ZNF45: variants seen among roughly 807,000 people sequenced by gnomAD.
ZNF45 encodes BRC1744.
In ZNF45, 4 loss-of-function variants were observed where a neutral mutation model predicts 12.0. The observed-to-expected ratio is 0.33, with a 90% CI of 0.16 to 0.76. ZNF45 has a LOEUF of 0.76. Among genes scored for constraint, ZNF45 ranks in the 30% least tolerant of loss-of-function variants. The probability of loss-of-function intolerance (pLI) is 0.60; values close to 1 mark genes in which losing one functional copy is unlikely to be tolerated. For missense variants in ZNF45, 700 were observed against 813.0 expected (o/e 0.86, Z 1.69); for synonymous variants, 272 against 279.6 (o/e 0.97, Z 0.27).
chr19:43,933,597 G>A (rs1215743547), intron 2 of ZNF45, among the ~76,000 whole-genome samples: 1 of 152,212 alleles, frequency 6.6e-6, no homozygotes, highest in Non-Finnish European at 1.5e-5. Context: ...AATGGAAGCA[G>A]GGTGACTGTA....
chr19:43,913,284 A>G lies in ZNF45; in HGVS notation c.*103T>C. On this transcript the variant is annotated 3_prime_UTR_variant, in exon 10 of 10. Transcript: ENST00000269973. ...AGGCTTCTCTGCTGTGTGGTCTCCC[A>G]ATCACTTGGCTGAACTACTGACTCT... 1.4e-6 allele frequency: 2 copies of G among 1,383,024 alleles called. No homozygotes were observed. Among genetic ancestry groups the G allele is most frequent in the Admixed American group, 2.3e-5 (1 of 43,150 alleles). The allele number at this position is 1,383,024 out of a possible 1,614,324, so 85.7% of individuals were successfully genotyped here.
At chr19:43,932,260 C>G (rs1974194159) in intron 3 of ZNF45, 1 of 152,226 alleles carries the variant, frequency 6.6e-6, no homozygotes, top group African/African-American at 2.4e-5. Context: ...TGCTGAAACC[C>G]AGGAGGCGGA....
rs530430173 is a variant in ZNF45 at position 43,915,311 on chromosome 19, AG to A, written c.236-112del. 3.2e-4 allele frequency: 367 copies of A among 1,136,454 alleles called. 1 individual carries two copies. The African/African-American group carries it at 5.0e-3, about 15-fold the overall frequency. 70.4% of individuals were successfully genotyped at this position (1,136,454 alleles called of 1,614,324 possible). ...CCTAAGGCTTCATTGAACCAGGAGA[AG>A]GTTCCATTGCCTACTGCATAGACAT... On this transcript the variant is annotated intron_variant, in intron 9 of 9. Transcript: ENST00000269973.
At chr19:43,920,424 G>A (rs1973035577) in intron 7 of ZNF45, among the ~76,000 whole-genome samples, 1 of 150,182 alleles carries the variant, frequency 6.7e-6, no homozygotes, top group Non-Finnish European at 1.5e-5. Context: ...CTGCTGTGTG[G>A]GGGTGTCTAG....
At chr19:43,922,296 T>TTTTTG (rs1973254196) in intron 6 of ZNF45, 79 bp from the exon 7 acceptor site, 1 of 1,025,634 alleles carries the variant, frequency 9.8e-7, no homozygotes, top group Non-Finnish European at 1.4e-6. Context: ...CATAGCTGTT[T>TTTTTG]TTTTGTTTTG....
chr19:43,918,254 G>A (rs1193032555), intron 9 of ZNF45, among the ~76,000 whole-genome samples: 1 of 152,212 alleles, frequency 6.6e-6, no homozygotes, highest in Non-Finnish European at 1.5e-5. Context: ...CACCAAGTGA[G>A]CAAGATTCAC....
Position 43,915,080 on chromosome 19 carries a change from T to A in ZNF45, c.356A>T (p.Gln119Leu), listed in dbSNP as rs1972529493. The change falls in exon 10 of 10, where the codon CAA becomes CTA. Residue 119 changes from glutamine to leucine, a missense_variant. Gln to Leu is a moderately radical substitution (Grantham distance 113, BLOSUM62 -2). Coordinates refer to ENST00000269973, the MANE Select transcript of ZNF45 (RefSeq NM_003425.4). ...QQITRELIKY[Q>L]DSVVNIQRTG... Reference sequence around the variant, plus strand: ...TCTTTGAATATTTACCACAGAATCTTGATACTTGATTAACTCTCTTGTAAT... The same window carrying A: ...TCTTTGAATATTTACCACAGAATCTAGATACTTGATTAACTCTCTTGTAAT... 1 of 1,611,706 alleles carries A rather than the reference T, an allele frequency of 6.2e-7. No homozygotes were observed. The highest frequency in any genetic ancestry group is 8.5e-7 in the Non-Finnish European group (1 of 1,179,090).
At chr19:43,917,003 C>T (rs576785821) in intron 9 of ZNF45, among the ~76,000 whole-genome samples, 26 of 151,984 alleles carry the variant, frequency 1.7e-4, no homozygotes, top group African/African-American at 6.3e-4. Context: ...TTTAGAGCCT[C>T]GGGAATAATG....
intron 3 of ZNF45, among the ~76,000 whole-genome samples, chr19:43,931,622 C>T (rs1974152156): frequency 6.6e-6 from 1 of 152,092 alleles, no homozygotes; most frequent in Non-Finnish European, 1.5e-5. Flanking sequence ...AAGATGAAGG[C>T]CAGCTTTAGT....
At chr19:43,934,883 A>C (rs948097178) in intron 1 of ZNF45, 41 bp downstream of exon 1, 1 of 152,238 alleles carries the variant, frequency 6.6e-6, no homozygotes, top group Non-Finnish European at 1.5e-5. Flanking sequence ...AGAAGAGGAA[A>C]CTAAGACCAG....
chr19:43,917,316 C>T (rs1478852713), intron 9 of ZNF45, among the ~76,000 whole-genome samples: 1 of 152,026 alleles, frequency 6.6e-6, no homozygotes, highest in Admixed American at 6.6e-5. Context: ...TTGAAACCTC[C>T]CAGTCTAAAT....
At position 43,913,205 on chromosome 19, in the gene ZNF45, G is replaced by A; in HGVS notation, c.*182C>T. The stretch of plus-strand genomic sequence containing the variant: ...TCCTTCCTGATCCTCTTGTCTGCAT[G>A]TATCAGCTAATGGTCAATGTTCTGA... On this transcript the variant is annotated 3_prime_UTR_variant, in exon 10 of 10. Transcript: ENST00000269973. The A allele has an allele frequency of 1.8e-6, 1 of 557,564 alleles. No individual in the cohort carries two copies. The highest frequency in any genetic ancestry group is 3.0e-6 in the Non-Finnish European group (1 of 332,864). The allele number at this position is 557,564 out of a possible 1,614,324, so 34.5% of individuals were successfully genotyped here.
chr19:43,920,535 T>TGGC (rs1555746367), intron 7 of ZNF45, among the ~76,000 whole-genome samples: 1 of 22,346 alleles, frequency 4.5e-5, no homozygotes, highest in Non-Finnish European at 1.2e-4. Flanking sequence ...TGTTGCCGGG[T>TGGC]GGGGGGGGGG....
chr19:43,925,749 G>T (rs1973622675), intron 3 of ZNF45, among the ~76,000 whole-genome samples: 1 of 152,266 alleles, frequency 6.6e-6, no homozygotes, highest in Middle Eastern at 3.4e-3. Context: ...AGCCTCCCCA[G>T]TAGCTGGATT....
At chr19:43,919,740 G>C in intron 7 of ZNF45, 41 bp from the exon 8 acceptor site, 1 of 1,600,476 alleles carries the variant, frequency 6.2e-7, no homozygotes, top group Non-Finnish European at 8.5e-7. Flanking sequence ...TTGCAATAAA[G>C]GTCCACTGGA....
rs1050709901 is a variant in ZNF45, at chr19:43,933,723, A to G, written c.-487+703T>C. Among the ~76,000 whole-genome samples, 8 of 152,328 alleles carry G rather than the reference A, an allele frequency of 5.3e-5. No homozygotes were observed. The East Asian group carries it at 1.5e-3, about 29-fold the overall frequency. ...TTTCATAAAACACAGACAAAAACAC[A>G]TTAAAAACTGCTAAACAGAAATGCA... On this transcript the variant is annotated intron_variant, in intron 2 of 9. Transcript: ENST00000269973.
intron 3 of ZNF45, among the ~76,000 whole-genome samples, chr19:43,929,474 G>A (rs117931574): frequency 1.7e-4 from 26 of 152,226 alleles, no homozygotes; most frequent in Non-Finnish European, 2.2e-4. Context: ...AGCTTTCACC[G>A]GTGGGAGAAA....
chr19:43,916,149 T>C (rs1289045060), intron 9 of ZNF45, among the ~76,000 whole-genome samples: 1 of 151,894 alleles, frequency 6.6e-6, no homozygotes, highest in African/African-American at 2.4e-5. Context: ...AGAGTCTCAC[T>C]CTGTCACCCA....
Position 43,919,636 on chromosome 19 carries a change from G to C in ZNF45, c.79C>G (p.Leu27Val). The C allele has an allele frequency of 6.2e-7, 1 of 1,613,244 alleles. No individual in the cohort carries two copies. Among genetic ancestry groups the C allele is most frequent in the East Asian group, 2.2e-5 (1 of 44,836 alleles). Residue 27 changes from leucine (L) to valine (V), a missense_variant, in exon 8 of 10, where the codon CTT (leucine) becomes GTT (valine). Coordinates refer to ENST00000269973, the MANE Select transcript of ZNF45 (RefSeq NM_003425.4). ...FSEEELQLLD[L>V]AQRKLYRDVM... is the part of the protein sequence containing the mutation. ...TCTCGGTACAGCTTCCTCTGGGCAA[G>C]GTCCAGCAGTTGCAGCTCCTCCTCA...
Sources: gnomAD v4.1 joint callset for allele counts (sites outside exome capture counted in the v4.1 genomes callset) on GRCh38, gnomAD v4.1.1 for gene constraint, MANE v1.5 for transcripts, NCBI Gene and HGNC (gene_info 2026-07-23, HGNC 2026-07-21) for gene names.